The following DENND10 variants were observed in gnomAD, a reference collection of about 807,000 sequenced individuals.
The protein encoded by DENND10 is DENN domain containing 10, also known as DENN domain-containing protein 10.
DENND10 carries 24 observed loss-of-function variants against 43.6 expected under a neutral mutation model. The observed-to-expected ratio is 0.55, with a 90% CI of 0.40 to 0.77. The LOEUF (loss-of-function observed/expected upper bound fraction) is 0.77. Among genes scored for constraint, DENND10 ranks in the 30% least tolerant of loss-of-function variants. DENND10 has a pLI of 0.00. For missense variants in DENND10, 303 were observed against 429.9 expected, an observed-to-expected ratio of 0.70 and a Z score of 2.61; for synonymous variants, 125 against 157.6, an observed-to-expected ratio of 0.79 and a Z score of 1.55.
chr10:119,115,554 AT>A (rs58486542), intron 3 of DENND10, among the ~76,000 whole-genome samples: 3 of 87,994 alleles, frequency 3.4e-5, no homozygotes, highest in African/African-American at 7.5e-5. Flanking sequence ...CGCCCGGCTA[AT>A]TTTTTTTGTA....
At position 119,123,542 on chromosome 10, in the gene DENND10, G is replaced by A. The variant is rs1195381558; in HGVS notation, c.667G>A (p.Glu223Lys). Reference sequence around the variant, plus strand: ...CTCTTACGTGCACCTCAACGCCGATGAGCTGGAAGCCCTGCAGATGTGCAC... The same window carrying A: ...CTCTTACGTGCACCTCAACGCCGATAAGCTGGAAGCCCTGCAGATGTGCAC... ...LHSYVHLNAD[E>K]LEALQMCTGY... is the part of the protein sequence containing the mutation. Residue 223 changes from glutamate (E) to lysine (K), a missense_variant, in exon 6 of 9, where the codon GAG becomes AAG. Physicochemically the swap from Glu to Lys is moderately conservative, Grantham distance 56 (BLOSUM62 1). Coordinates refer to ENST00000361432, the MANE Select transcript of DENND10 (RefSeq NM_207009.4). 2.5e-6 allele frequency: 4 copies of A among 1,613,064 alleles called. No homozygotes were observed. The highest frequency in any genetic ancestry group is 3.4e-6 in the Non-Finnish European group (4 of 1,179,684).
Position 119,129,562 on chromosome 10 carries a change from C to T in DENND10, c.742C>T (p.Leu248Phe), listed in dbSNP as rs1439846906. The T allele has an allele frequency of 1.2e-6, 2 of 1,613,814 alleles. No individual in the cohort carries two copies. Among genetic ancestry groups the T allele is most frequent in the African/African-American group, 2.7e-5 (2 of 74,914 alleles). The change falls in exon 7 of 9, where the codon CTC becomes TTC. Residue 248 changes from leucine to phenylalanine, a missense_variant. By Grantham distance (22) the Leu-to-Phe change is conservative (BLOSUM62 0). Transcript: ENST00000361432. ...CTTGGAGGTGAGCAACAGACCAGAC[C>T]TCTATGATGTGTTTGTGAATCTGGC... ...VDLEVSNRPD[L>F]YDVFVNLAES...
chr10:119,112,518 G>T (rs1408053331), intron 3 of DENND10, among the ~76,000 whole-genome samples: 6 of 143,038 alleles, frequency 4.2e-5, no homozygotes, highest in African/African-American at 1.6e-4. Flanking sequence ...TTTGAGACAG[G>T]GTCTCACTCT....
chr10:119,123,454 G>C lies in DENND10; in HGVS notation c.594-15G>C, dbSNP rs1164797901. Reference sequence around the variant, plus strand: ...TGGACCAGCAACAACTTGAGTTCTTGCCTTGATTCCCCAGGACTCTGCCTG... The same window carrying C: ...TGGACCAGCAACAACTTGAGTTCTTCCCTTGATTCCCCAGGACTCTGCCTG... On this transcript the variant is annotated splice_polypyrimidine_tract_variant and intron_variant, in intron 5 of 8. Coordinates refer to ENST00000361432, the MANE Select transcript of DENND10 (RefSeq NM_207009.4). The C allele has an allele frequency of 1.2e-6, 2 of 1,605,958 alleles. No individual in the cohort carries two copies. The highest frequency in any genetic ancestry group is 1.7e-6 in the Non-Finnish European group (2 of 1,172,894).
At chr10:119,113,690 CA>C (rs11447508) in intron 3 of DENND10, among the ~76,000 whole-genome samples, 76 of 141,278 alleles carry the variant, frequency 5.4e-4, no homozygotes, top group African/African-American at 1.2e-3. Flanking sequence ...CCAAAAGAAG[CA>C]AAAAAAAAAA....
At chr10:119,129,418 G>A (rs1215195112) in intron 6 of DENND10, 97 bp from the exon 7 acceptor site, 1 of 744,640 alleles carries the variant, frequency 1.3e-6, no homozygotes, top group Non-Finnish European at 2.4e-6. Context: ...ATAAAGCAGT[G>A]AAAGAGAGCA....
intron 3 of DENND10, among the ~76,000 whole-genome samples, chr10:119,116,685 T>A (rs1845297909): frequency 1.2e-5 from 1 of 86,410 alleles, no homozygotes; most frequent in African/African-American, 3.8e-5. Context: ...TTTTTTTTTT[T>A]TGAGACAGAA....
intron 6 of DENND10, among the ~76,000 whole-genome samples, chr10:119,126,855 G>A (rs1485661836): frequency 2.0e-5 from 3 of 151,752 alleles, no homozygotes; most frequent in African/African-American, 7.2e-5. Flanking sequence ...ATGAGCCACT[G>A]TGCCTGGCCA....
Position 119,108,157 on chromosome 10 carries a change from T to A in DENND10, c.245T>A (p.Leu82Ter). The A allele has an allele frequency of 6.2e-7, 1 of 1,610,112 alleles. No homozygotes were observed. Among genetic ancestry groups the A allele is most frequent in the Non-Finnish European group, 8.5e-7 (1 of 1,177,342 alleles). ...ATTGAAGTTCCAGATTCTTCCATTT[T>A]GAAAAAGGTATGATTGCGTGAAGGT... is the stretch of plus-strand genomic sequence containing the variant. ...TTIEVPDSSILKKVTHFSIVL... is the reference protein window; with the variant it reads ...TTIEVPDSSI Residue 82 changes from leucine (L) to a stop codon, truncating the protein, a stop_gained, in exon 2 of 9, where the codon TTG becomes TAG. Coordinates refer to ENST00000361432, the MANE Select transcript of DENND10 (RefSeq NM_207009.4). LOFTEE classifies it high-confidence loss of function.
At chr10:119,121,591 A>C (rs1418848644) in intron 5 of DENND10, among the ~76,000 whole-genome samples, 1 of 151,652 alleles carries the variant, frequency 6.6e-6, no homozygotes, top group Non-Finnish European at 1.5e-5. Context: ...AGTAGCTGAG[A>C]CTACAGGTGC....
intron 1 of DENND10, chr10:119,105,135 G>T (rs1247881906): frequency 6.6e-6 from 1 of 152,202 alleles, no homozygotes; most frequent in Non-Finnish European, 1.5e-5. Flanking sequence ...ATTTTCCCGA[G>T]ATTTTTGCAC....
chr10:119,135,012 A>AAATT (rs971717052), intron 8 of DENND10: 2 of 151,838 alleles, frequency 1.3e-5, no homozygotes, highest in African/African-American at 4.8e-5. Flanking sequence ...AAAAATACAA[A>AAATT]AATTAGCCGG....
intron 2 of DENND10, among the ~76,000 whole-genome samples, chr10:119,109,776 G>C (rs911602734): frequency 6.6e-6 from 1 of 150,828 alleles, no homozygotes; most frequent in African/African-American, 2.4e-5. Context: ...TCGCCACCAC[G>C]TCCAGCTAAT....
intron 2 of DENND10, among the ~76,000 whole-genome samples, chr10:119,111,226 C>A (rs183624703): frequency 6.9e-6 from 1 of 144,470 alleles, no homozygotes; most frequent in African/African-American, 2.6e-5. Flanking sequence ...TGAGATTACA[C>A]CACTGCACTC....
At chr10:119,112,728 C>T (rs948343914) in intron 3 of DENND10, among the ~76,000 whole-genome samples, 3 of 151,984 alleles carry the variant, frequency 2.0e-5, no homozygotes, top group Non-Finnish European at 4.4e-5. Context: ...CTCCTGAGCT[C>T]AAGTGATCTG....
intron 6 of DENND10, 80 bp downstream of exon 6, chr10:119,123,649 GC>G: frequency 9.1e-7 from 1 of 1,098,270 alleles, no homozygotes; most frequent in Non-Finnish European, 1.3e-6. Flanking sequence ...CACTCTTGTT[GC>G]CCAGGATGGA....
intron 2 of DENND10, among the ~76,000 whole-genome samples, chr10:119,111,059 G>A (rs952742423): frequency 1.3e-5 from 2 of 151,512 alleles, no homozygotes; most frequent in Non-Finnish European, 2.9e-5. Flanking sequence ...CCAGGAGTTC[G>A]AGACCAGCCT....
Position 119,108,182 on chromosome 10 carries a change from T to C in DENND10, c.252+18T>C. The C allele has an allele frequency of 2.1e-6, 3 of 1,416,820 alleles. No homozygotes were observed. The highest frequency in any genetic ancestry group is 2.9e-6 in the Non-Finnish European group (3 of 1,040,472). 87.8% of individuals were successfully genotyped at this position (1,416,820 alleles called of 1,614,324 possible). ...TGAAAAAGGTATGATTGCGTGAAGGTAAAAAAAAAACCCCAAAATAGGCTG... is the reference window on the plus strand; with the variant it reads ...TGAAAAAGGTATGATTGCGTGAAGGCAAAAAAAAAACCCCAAAATAGGCTG... On this transcript the variant is annotated intron_variant, in intron 2 of 8. Coordinates refer to ENST00000361432, the MANE Select transcript of DENND10 (RefSeq NM_207009.4).
intron 5 of DENND10, among the ~76,000 whole-genome samples, 157 bp downstream of exon 5, chr10:119,120,609 C>G (rs1270363635): frequency 6.6e-6 from 1 of 152,206 alleles, no homozygotes; most frequent in Non-Finnish European, 1.5e-5. Flanking sequence ...TCTAGTAGTT[C>G]AAGGTTACTG....
Sources: gnomAD v4.1 joint callset for allele counts (sites outside exome capture counted in the v4.1 genomes callset) on GRCh38, gnomAD v4.1.1 for gene constraint, MANE v1.5 for transcripts, NCBI Gene and HGNC (gene_info 2026-07-23, HGNC 2026-07-21) for gene names.